The following TSPEAR variants were observed in gnomAD, a reference collection of about 807,000 sequenced individuals.
TSPEAR encodes thrombospondin-type laminin G domain and EAR repeat-containing protein.
In TSPEAR, 69 loss-of-function variants were observed where a neutral mutation model predicts 71.6. That is an observed-to-expected ratio of 0.96 (90% confidence interval 0.79 to 1.18). The LOEUF (loss-of-function observed/expected upper bound fraction) is 1.18, where lower values mean the gene tolerates loss of function less well. TSPEAR is among the 50% of genes most tolerant of loss of function. The pLI is 0.00. For synonymous variants in TSPEAR, 402 were observed against 387.2 expected, an observed-to-expected ratio of 1.04 and a Z score of -0.45; for missense variants, 971 against 894.9, an observed-to-expected ratio of 1.09 and a Z score of -1.09.
At chr21:44,694,587 C>T (rs1212148072) in intron 1 of TSPEAR, among the ~76,000 whole-genome samples, 4 of 151,856 alleles carry the variant, frequency 2.6e-5, no homozygotes, top group Non-Finnish European at 5.9e-5. Flanking sequence ...TATATTTTAC[C>T]ACGATGTTTA....
At chr21:44,522,594 A>T (rs955372036) in intron 8 of TSPEAR, among the ~76,000 whole-genome samples, 1 of 152,344 alleles carries the variant, frequency 6.6e-6, no homozygotes, top group Admixed American at 6.5e-5. Flanking sequence ...GAGGTCCTGC[A>T]GGCGGAGAGA....
At chr21:44,578,530 AG>A (rs1205237835) in intron 1 of TSPEAR, among the ~76,000 whole-genome samples, 8 of 152,146 alleles carry the variant, frequency 5.3e-5, no homozygotes, top group Non-Finnish European at 1.2e-4. Context: ...AGTGTCGGCG[AG>A]GGTGCTAGGG....
rs891742062 is a variant in TSPEAR, at chr21:44,499,374, C to T, written c.*409G>A. Reference sequence around the variant, plus strand: ...TAAATAGGTGGCGGCAATGGCGGGACGGCACCACACCTGCTCAGGCGGCCG... The same window carrying T: ...TAAATAGGTGGCGGCAATGGCGGGATGGCACCACACCTGCTCAGGCGGCCG... On this transcript the variant is annotated 3_prime_UTR_variant, in exon 12 of 12. Coordinates refer to ENST00000323084, the MANE Select transcript of TSPEAR (RefSeq NM_144991.3). The T allele has an allele frequency of 6.6e-5, 12 of 181,416 alleles. No homozygotes were observed. The highest frequency in any genetic ancestry group is 2.6e-4 in the South Asian group (2 of 7,578). 11.2% of individuals were successfully genotyped at this position (181,416 alleles called of 1,614,324 possible). A position where few individuals can be genotyped will look rare whatever the true frequency, so the allele number is the denominator to read the frequency against.
intron 1 of TSPEAR, chr21:44,647,188 G>C: frequency 1.2e-6 from 2 of 1,613,476 alleles, no homozygotes; most frequent in Non-Finnish European, 1.7e-6. Context: ...CTGCCACCCC[G>C]TGTGCAGGTC....
chr21:44,671,081 C>T (rs1986034680), intron 1 of TSPEAR, among the ~76,000 whole-genome samples: 1 of 152,218 alleles, frequency 6.6e-6, no homozygotes, highest in Non-Finnish European at 1.5e-5. Context: ...TGGTCCCCCC[C>T]AACCCATTCT....
chr21:44,637,691 C>T (rs782327251), intron 1 of TSPEAR: 3 of 1,340,968 alleles, frequency 2.2e-6, no homozygotes, highest in Non-Finnish European at 3.1e-6. Flanking sequence ...CCCCTGCCAG[C>T]AGGCCTGCTG....
chr21:44,652,173 C>T (rs1000607181), intron 1 of TSPEAR, among the ~76,000 whole-genome samples: 15 of 152,156 alleles, frequency 9.9e-5, no homozygotes, highest in Non-Finnish European at 1.5e-4. Context: ...TTAGTAGAGA[C>T]GGGGTTTCAC....
chr21:44,692,830 C>CT (rs554244909), intron 1 of TSPEAR, among the ~76,000 whole-genome samples: 87 of 149,146 alleles, frequency 5.8e-4, no homozygotes, highest in Middle Eastern at 3.5e-3. Flanking sequence ...AATTCCAAGT[C>CT]TTTTTTTTTT....
At position 44,612,516 on chromosome 21, in the gene TSPEAR, C is replaced by A. The variant is rs1555931417; in HGVS notation, c.83-44511G>T. The A allele has an allele frequency of 1.2e-6, 2 of 1,609,518 alleles. No homozygotes were observed. The highest frequency in any genetic ancestry group is 1.3e-5 in the African/African-American group (1 of 74,274). Reference sequence around the variant, plus strand: ...CCCGTGTGCTGCGTGTCCATCTGCTCTGGAGCTTCCTCCCCATGCTGCCAG... The same window carrying A: ...CCCGTGTGCTGCGTGTCCATCTGCTATGGAGCTTCCTCCCCATGCTGCCAG... On this transcript the variant is annotated intron_variant, in intron 1 of 11. Coordinates refer to ENST00000323084, the MANE Select transcript of TSPEAR (RefSeq NM_144991.3). The surrounding 1 kb of genome is among the most constrained non-coding windows in gnomAD (Gnocchi z 4.1).
chr21:44,661,776 G>A (rs1985509170), intron 1 of TSPEAR, among the ~76,000 whole-genome samples: 1 of 152,116 alleles, frequency 6.6e-6, no homozygotes, highest in South Asian at 2.1e-4. Context: ...AGACGGGGCT[G>A]GGGGAGGGGC....
intron 9 of TSPEAR, among the ~76,000 whole-genome samples, chr21:44,515,332 C>T (rs1367621722): frequency 6.6e-6 from 1 of 152,236 alleles, no homozygotes; most frequent in East Asian, 1.9e-4. Flanking sequence ...AGCGCCTTCC[C>T]AGGGCCCTCC....
At chr21:44,680,043 A>G (rs1367660081) in intron 1 of TSPEAR, among the ~76,000 whole-genome samples, 1 of 152,224 alleles carries the variant, frequency 6.6e-6, no homozygotes, top group Non-Finnish European at 1.5e-5. Context: ...AAATGAGATT[A>G]TATTAAACTG....
At chr21:44,509,599 G>C (rs2052308535) in intron 9 of TSPEAR, among the ~76,000 whole-genome samples, 1 of 151,982 alleles carries the variant, frequency 6.6e-6, no homozygotes, top group South Asian at 2.1e-4. Flanking sequence ...AGGTGTGAGT[G>C]AGCAGCACTC....
intron 2 of TSPEAR, among the ~76,000 whole-genome samples, chr21:44,551,740 C>T (rs1175760143): frequency 6.6e-6 from 1 of 152,186 alleles, no homozygotes; most frequent in Non-Finnish European, 1.5e-5. Context: ...CTGGCTGAGC[C>T]TGTCCCCCGG....
chr21:44,548,030 A>G (rs115155555), intron 2 of TSPEAR, among the ~76,000 whole-genome samples: 2,237 of 152,280 alleles, frequency 0.015, 58 homozygotes, highest in African/African-American at 0.05. Context: ...GGCATGCCCA[A>G]TGTTTTCTGG....
At position 44,707,695 on chromosome 21, in the gene TSPEAR, G is replaced by C. The variant is rs561853616; in HGVS notation, c.82+3738C>G. On this transcript the variant is annotated intron_variant, in intron 1 of 11. Transcript: ENST00000323084. ...GAGTCCCAGAGTGACCGCCTGGCTC[G>C]GAGCAGGGAATGAGGGGGTCCTTAA... Among the ~76,000 whole-genome samples, 53 of 152,304 alleles carry C rather than the reference G, an allele frequency of 3.5e-4. No individual in the cohort carries two copies. The South Asian group carries it at 0.011, about 30-fold the overall frequency.
Position 44,528,575 on chromosome 21 carries a change from T to C in TSPEAR, c.799A>G (p.Ile267Val), listed in dbSNP as rs781855946. ...EVLKYPYETN[I>V]RVTLGPQPPC... ...GGCTGGGGTCCCAGCGTCACTCGAA[T>C]GTTGGTTTCTGAGGGGAAGACCAGG... is the stretch of plus-strand genomic sequence containing the variant. The change falls in exon 6 of 12, where the codon ATT (isoleucine) becomes GTT (valine). Residue 267 changes from isoleucine (I) to valine (V), a missense_variant. Transcript: ENST00000323084. 1.9e-5 allele frequency: 30 copies of C among 1,613,660 alleles called. No individual in the cohort carries two copies. The highest frequency in any genetic ancestry group is 2.5e-5 in the Non-Finnish European group (29 of 1,179,882).
chr21:44,518,682 A>G (rs1254741811), intron 9 of TSPEAR: 6 of 470,412 alleles, frequency 1.3e-5, no homozygotes, highest in African/African-American at 1.2e-4. Flanking sequence ...GCCCCCCACC[A>G]GCTCATTCGT....
chr21:44,573,721 T>G, intron 1 of TSPEAR: 2 of 1,591,024 alleles, frequency 1.3e-6, no homozygotes, highest in Non-Finnish European at 1.7e-6. Context: ...CTCCCTCCCA[T>G]CTCCCCCAGC....
Sources: allele counts gnomAD v4.1 joint callset (sites outside exome capture counted in the v4.1 genomes callset), GRCh38; gene constraint gnomAD v4.1.1; non-coding constraint Gnocchi (gnomAD v3.1); transcripts MANE v1.5; gene names NCBI Gene and HGNC (gene_info 2026-07-23, HGNC 2026-07-21).